Variants in MMP28 observed in about 807,000 individuals in gnomAD.
The protein encoded by MMP28 is matrix metallopeptidase 28.
A neutral mutation model predicts 60.5 loss-of-function variants in MMP28; 55 were observed. The observed-to-expected ratio is 0.91, with a 90% CI of 0.73 to 1.14. The LOEUF (loss-of-function observed/expected upper bound fraction) is 1.14, where lower values mean the gene tolerates loss of function less well. MMP28 is among the 50% of genes most tolerant of loss of function. The pLI is 0.00. For synonymous variants in MMP28, 318 were observed against 312.5 expected (o/e 1.02, Z -0.18); for missense variants, 686 against 738.3 (o/e 0.93, Z 0.82).
chr17:35,764,486 CG>C, downstream of MMP28: 2 of 1,574,918 alleles, frequency 1.3e-6, no homozygotes, highest in South Asian at 2.3e-5. Context: ...CGCCGCGCCG[CG>C]GGGGCTGTGC....
chr17:35,766,511 C>A lies in MMP28; in HGVS notation c.1552G>T (p.Ala518Ser). ...MGCWHANSGS[A>S]LF ...GTGAGGAGGTGCCTTCAGAACAGGG[C>A]GCTCCCCGAGTTGGCATGCCAGCAG... The change falls in exon 8 of 8, where the codon GCC becomes TCC. Residue 518 changes from alanine to serine, a missense_variant. Transcript: ENST00000605424. This position sits in a 1 kb window ranked among gnomAD's most constrained non-coding sequence, Gnocchi z 4.3. The A allele has an allele frequency of 6.3e-7, 1 of 1,591,404 alleles. No homozygotes were observed. The highest frequency in any genetic ancestry group is 8.6e-7 in the Non-Finnish European group (1 of 1,168,778).
chr17:35,785,908 G>A (rs943508005), intron 1 of MMP28, among the ~76,000 whole-genome samples: 1 of 152,122 alleles, frequency 6.6e-6, no homozygotes, highest in Non-Finnish European at 1.5e-5. Context: ...TACCTTTCTC[G>A]CAGGAGCATC....
At chr17:35,763,841 G>A (rs2085873573), downstream of MMP28, 1 of 477,446 alleles carries the variant, frequency 2.1e-6, no homozygotes, top group Non-Finnish European at 3.1e-6. Flanking sequence ...AGGTTGCAGT[G>A]AGCAGAGATC....
intron 4 of MMP28, among the ~76,000 whole-genome samples, chr17:35,771,038 G>A (rs1278237982): frequency 3.9e-5 from 6 of 152,054 alleles, no homozygotes; most frequent in Admixed American, 2.6e-4. Flanking sequence ...GGGTGACAGA[G>A]TAAGACCCTG....
intron 1 of MMP28, among the ~76,000 whole-genome samples, chr17:35,786,367 C>T (rs980088686): frequency 6.6e-6 from 1 of 152,136 alleles, no homozygotes; most frequent in African/African-American, 2.4e-5. Context: ...CAGGACTCAC[C>T]TTCTTAGACA....
chr17:35,790,009 GCCTC>G (rs1203276227), intron 1 of MMP28, among the ~76,000 whole-genome samples: 1 of 145,894 alleles, frequency 6.9e-6, no homozygotes, highest in African/African-American at 2.5e-5. Context: ...TGATCCACCT[GCCTC>G]AGCCTCCCAA....
intron 1 of MMP28, among the ~76,000 whole-genome samples, chr17:35,786,867 C>T (rs1332820554): frequency 4.0e-5 from 6 of 151,890 alleles, no homozygotes; most frequent in Admixed American, 6.6e-5. Flanking sequence ...AGAATATAGA[C>T]AGGACAGGTG....
chr17:35,791,391 A>C (rs2086810547), intron 1 of MMP28, among the ~76,000 whole-genome samples: 1 of 152,010 alleles, frequency 6.6e-6, no homozygotes, highest in African/African-American at 2.4e-5. Flanking sequence ...TTTTAGAATT[A>C]GTTGGGCATG....
chr17:35,767,608 C>T, intron 7 of MMP28, 144 bp downstream of exon 7: 1 of 986,340 alleles, frequency 1.0e-6, no homozygotes. Context: ...TAGAGTCTTC[C>T]CTGGGGTCAC....
chr17:35,776,614 C>T (rs529591694), intron 3 of MMP28, among the ~76,000 whole-genome samples: 4 of 152,136 alleles, frequency 2.6e-5, no homozygotes, highest in Admixed American at 6.5e-5. Context: ...TGGCTGGGCA[C>T]GGTGGCTTGC....
chr17:35,789,822 C>T (rs894532800), intron 1 of MMP28, among the ~76,000 whole-genome samples: 3 of 150,438 alleles, frequency 2.0e-5, no homozygotes, highest in African/African-American at 7.4e-5. Flanking sequence ...AGTGCAGTGG[C>T]GCGATCTCGG....
Position 35,767,809 on chromosome 17 carries a change from G to C in MMP28, c.1111C>G (p.Pro371Ala). 2 of 1,604,936 alleles carry C rather than the reference G, an allele frequency of 1.2e-6. No homozygotes were observed. The highest frequency in any genetic ancestry group is 1.7e-6 in the Non-Finnish European group (2 of 1,175,946). ...PLQERWVGLP[P>A]NIEAAAVSLN... Reference sequence around the variant, plus strand: ...GACACTGCCGCAGCCTCAATGTTGGGGGGCAGCCCGACCCATCTTTCCTGC... The same window carrying C: ...GACACTGCCGCAGCCTCAATGTTGGCGGGCAGCCCGACCCATCTTTCCTGC... The change falls in exon 7 of 8, where the codon CCC (proline) becomes GCC (alanine). Residue 371 changes from proline to alanine, a missense_variant. Physicochemically the swap from Pro to Ala is conservative, Grantham distance 27. Coordinates refer to ENST00000605424, the MANE Select transcript of MMP28 (RefSeq NM_024302.5).
chr17:35,778,728 T>A, intron 3 of MMP28, 160 bp downstream of exon 3: 1 of 1,467,474 alleles, frequency 6.8e-7, no homozygotes, highest in South Asian at 1.4e-5. Context: ...GTATTCACAA[T>A]CATGGTCCTC....
At chr17:35,763,565 C>T (rs1555601940), downstream of MMP28, among the ~76,000 whole-genome samples, 1 of 149,866 alleles carries the variant, frequency 6.7e-6, no homozygotes, top group Admixed American at 6.7e-5. Flanking sequence ...AGATTACAGG[C>T]GTGAGCCACC....
In MMP28 at chr17:35,765,877, G is replaced by C. The variant is rs973211893; in HGVS notation, c.*623C>G. 1.0e-6 allele frequency: 1 copy of C among 985,244 alleles called. No individual in the cohort carries two copies. The highest frequency in any genetic ancestry group is 1.2e-6 in the Non-Finnish European group (1 of 829,920). The allele number at this position is 985,244 out of a possible 1,614,324, so 61.0% of individuals were successfully genotyped here. On this transcript the variant is annotated 3_prime_UTR_variant, in exon 8 of 8. Transcript: ENST00000605424. Reference sequence around the variant, plus strand: ...CAAGGAAGGCTGCTTCCTGCCTCTCGGCCCACCAGCTGAAGGCACCTCTTT... The same window carrying C: ...CAAGGAAGGCTGCTTCCTGCCTCTCCGCCCACCAGCTGAAGGCACCTCTTT...
chr17:35,765,933 G>A lies in MMP28; in HGVS notation c.*567C>T. Reference sequence around the variant, plus strand: ...AGCCCCAGACAAAAAGCCAGGGACTGGTAGGCCTGCATCAGTCTCCCTCCC... The same window carrying A: ...AGCCCCAGACAAAAAGCCAGGGACTAGTAGGCCTGCATCAGTCTCCCTCCC... On this transcript the variant is annotated 3_prime_UTR_variant, in exon 8 of 8. Coordinates refer to ENST00000605424, the MANE Select transcript of MMP28 (RefSeq NM_024302.5). 1 of 985,418 alleles carries A rather than the reference G, an allele frequency of 1.0e-6. No homozygotes were observed. The highest frequency in any genetic ancestry group is 1.2e-6 in the Non-Finnish European group (1 of 829,926). The allele number at this position is 985,418 out of a possible 1,614,324, so 61.0% of individuals were successfully genotyped here. A position where few individuals can be genotyped will look rare whatever the true frequency, so the allele number is the denominator to read the frequency against.
At chr17:35,759,281 T>C (rs907753126) in intron 2 of MMP28, among the ~76,000 whole-genome samples, 2 of 152,210 alleles carry the variant, frequency 1.3e-5, no homozygotes, top group Non-Finnish European at 2.9e-5. Flanking sequence ...TTTGTGTTTA[T>C]GCATGTCTTG....
chr17:35,771,356 G>C (rs552999550), intron 4 of MMP28, among the ~76,000 whole-genome samples: 1 of 148,558 alleles, frequency 6.7e-6, no homozygotes, highest in Non-Finnish European at 1.5e-5. Context: ...GTGTGAACCC[G>C]GGAAGCAGAG....
chr17:35,789,634 G>A (rs1299064057), intron 1 of MMP28, among the ~76,000 whole-genome samples: 1 of 151,958 alleles, frequency 6.6e-6, no homozygotes, highest in Non-Finnish European at 1.5e-5. Flanking sequence ...GATGATTTCT[G>A]AATCAACTCA....
Sources: gnomAD v4.1 joint callset for allele counts (sites outside exome capture counted in the v4.1 genomes callset) on GRCh38, gnomAD v4.1.1 for gene constraint, Gnocchi (gnomAD v3.1) non-coding constraint, MANE v1.5 for transcripts, NCBI Gene and HGNC (gene_info 2026-07-23, HGNC 2026-07-21) for gene names.